The following PDE1C variants were observed in gnomAD, a reference collection of about 807,000 sequenced individuals.
PDE1C encodes the protein phosphodiesterase 1C.
A neutral mutation model predicts 93.1 loss-of-function variants in PDE1C; 62 were observed. The observed-to-expected ratio is 0.67, with a 90% CI of 0.54 to 0.82. The LOEUF is 0.82. Among genes scored for constraint, PDE1C ranks in the 40% least tolerant of loss-of-function variants. PDE1C has a pLI of 0.00. For synonymous variants in PDE1C, 325 were observed against 310.1 expected, an observed-to-expected ratio of 1.05 and a Z score of -0.50; for missense variants, 742 against 884.6, an observed-to-expected ratio of 0.84 and a Z score of 2.04.
chr7:31,717,399 T>C, the PDE1C span, among the ~76,000 whole-genome samples: 2 of 152,190 alleles, frequency 1.3e-5, no homozygotes, highest in Non-Finnish European at 2.9e-5. Flanking sequence ...CAAAATACCA[T>C]GCAAAGCAAA....
the PDE1C span, among the ~76,000 whole-genome samples, chr7:31,744,951 T>C: frequency 6.6e-6 from 1 of 152,144 alleles, no homozygotes; most frequent in East Asian, 1.9e-4. Context: ...CTTAAAAATA[T>C]AGCAGAGATA....
chr7:32,070,623 G>C, upstream of PDE1C: 1 of 1,409,932 alleles, frequency 7.1e-7, no homozygotes, highest in Non-Finnish European at 9.2e-7. Flanking sequence ...ACCAGCCATG[G>C]TCCCGGGCTA....
rs3079693 is a variant in PDE1C at position 32,421,086 on chromosome 7, A to AACACAC, written c.310+6730_310+6735dup. On this transcript the variant is annotated intron_variant, in intron 1 of 1. Transcript: ENST00000672256. ...CACCCCTAGAAGGCGGATTAAAACT[A>AACACAC]ACACACACACACACACACACACACA... 1.3e-3 allele frequency among the ~76,000 whole-genome samples: 189 copies of AACACAC among 150,618 alleles called. 2 individuals carry two copies. The East Asian group carries it at 0.014, about 11-fold the overall frequency.
chr7:32,337,145 A>G (rs1239026321), intron 1 of PDE1C, among the ~76,000 whole-genome samples: 1 of 151,912 alleles, frequency 6.6e-6, no homozygotes, highest in Non-Finnish European at 1.5e-5. Flanking sequence ...CCTCCCTTCC[A>G]AGCCACCCCA....
the PDE1C span, among the ~76,000 whole-genome samples, chr7:31,737,627 T>C: frequency 6.6e-6 from 1 of 151,418 alleles, no homozygotes; most frequent in Admixed American, 6.6e-5. Context: ...CATGGTGAAA[T>C]CCTGTCTCTA....
intron 1 of PDE1C, among the ~76,000 whole-genome samples, chr7:32,377,230 G>T (rs1023541686): frequency 6.6e-6 from 1 of 152,194 alleles, no homozygotes; most frequent in Non-Finnish European, 1.5e-5. Context: ...GTGCCAAGCT[G>T]CATCTCTGGG....
chr7:32,265,938 G>A (rs186285604), intron 1 of PDE1C, among the ~76,000 whole-genome samples: 62 of 140,444 alleles, frequency 4.4e-4, no homozygotes, highest in African/African-American at 1.4e-3. Flanking sequence ...AGGTCAGGTG[G>A]GGGTAAGAGG....
intron 2 of PDE1C, among the ~76,000 whole-genome samples, chr7:31,904,926 G>A (rs1800408322): frequency 6.6e-6 from 1 of 152,072 alleles, no homozygotes. Flanking sequence ...ATGGTAAAAA[G>A]TATGCTAGAT....
chr7:32,365,954 T>C (rs1175921764), intron 1 of PDE1C, among the ~76,000 whole-genome samples: 3 of 152,210 alleles, frequency 2.0e-5, no homozygotes. Flanking sequence ...ACCTGCTCCA[T>C]AAAATTGGAG....
chr7:31,750,237 G>A (rs1017136004), downstream of PDE1C, among the ~76,000 whole-genome samples: 1 of 152,092 alleles, frequency 6.6e-6, no homozygotes, highest in East Asian at 1.9e-4. Flanking sequence ...GGAGGTTGTG[G>A]GAGAGTCCTA....
the PDE1C span, among the ~76,000 whole-genome samples, chr7:31,623,338 T>C: frequency 1.3e-5 from 2 of 151,910 alleles, no homozygotes; most frequent in South Asian, 2.1e-4. Flanking sequence ...TGATGAACAT[T>C]GATGCAAAAA....
At chr7:32,173,996 G>A (rs141728237) in intron 2 of PDE1C, among the ~76,000 whole-genome samples, 26 of 152,276 alleles carry the variant, frequency 1.7e-4, no homozygotes, top group African/African-American at 6.0e-4. Context: ...TACATCAGTG[G>A]AAGGAAACAG....
intron 9 of PDE1C, among the ~76,000 whole-genome samples, chr7:31,838,187 A>G (rs1197865672): frequency 1.3e-5 from 2 of 152,226 alleles, no homozygotes; most frequent in African/African-American, 4.8e-5. Context: ...TGGAATACAC[A>G]TATCATTTGG....
chr7:31,780,559 T>C (rs1455823099), intron 16 of PDE1C, among the ~76,000 whole-genome samples: 1 of 152,224 alleles, frequency 6.6e-6, no homozygotes, highest in Non-Finnish European at 1.5e-5. Flanking sequence ...AAATATCTGA[T>C]AAATGAGGTA....
At chr7:32,383,335 T>G (rs927647180) in intron 1 of PDE1C, among the ~76,000 whole-genome samples, 7 of 152,234 alleles carry the variant, frequency 4.6e-5, no homozygotes, top group Non-Finnish European at 8.8e-5. Context: ...CTGAACTGAC[T>G]ACTCAAAGGC....
At chr7:32,320,249 C>T (rs1783261648) in intron 1 of PDE1C, among the ~76,000 whole-genome samples, 1 of 152,098 alleles carries the variant, frequency 6.6e-6, no homozygotes, top group Non-Finnish European at 1.5e-5. Flanking sequence ...AAGTATCATG[C>T]TTGTAACAAA....
At chr7:32,311,418 T>C (rs1042596047) in intron 1 of PDE1C, among the ~76,000 whole-genome samples, 3 of 152,318 alleles carry the variant, frequency 2.0e-5, no homozygotes, top group Non-Finnish European at 2.9e-5. Flanking sequence ...GCCAGCATCA[T>C]CCTGATACCA....
chr7:32,347,495 T>C (rs1471684333), intron 1 of PDE1C, among the ~76,000 whole-genome samples: 1 of 152,124 alleles, frequency 6.6e-6, no homozygotes, highest in Admixed American at 6.5e-5. Flanking sequence ...GAGTAGAATA[T>C]AGCAAAGGTA....
intron 1 of PDE1C, among the ~76,000 whole-genome samples, chr7:32,224,316 T>C (rs957134733): frequency 1.3e-5 from 2 of 151,790 alleles, no homozygotes; most frequent in African/African-American, 4.8e-5. Flanking sequence ...GAGGTTACAG[T>C]GAGCTGAGAT....
Sources: allele counts gnomAD v4.1 joint callset (sites outside exome capture counted in the v4.1 genomes callset), GRCh38; gene constraint gnomAD v4.1.1; transcripts MANE v1.5; gene names NCBI Gene and HGNC (gene_info 2026-07-23, HGNC 2026-07-21).